Variants in BRINP1 observed in about 807,000 individuals in gnomAD.
BRINP1 encodes the protein BMP/retinoic acid inducible neural specific 1.
In BRINP1, 17 loss-of-function variants were observed where a neutral mutation model predicts 72.9. The observed-to-expected ratio is 0.23, with a 90% CI of 0.16 to 0.35. The LOEUF is 0.35. Among genes scored for constraint, BRINP1 ranks in the 10% least tolerant of loss-of-function variants. BRINP1 has a pLI of 1.00. For synonymous variants in BRINP1, 418 were observed against 378.5 expected (o/e 1.10, Z -1.21); for missense variants, 850 against 1,001.6 (o/e 0.85, Z 2.04).
At chr9:119,356,859 A>G (rs1459063082) in intron 1 of BRINP1, among the ~76,000 whole-genome samples, 1 of 152,194 alleles carries the variant, frequency 6.6e-6, no homozygotes, top group Non-Finnish European at 1.5e-5. Context: ...ATATTTCATA[A>G]AAGGGTATAC....
At chr9:119,169,685 GACAA>G (rs1829376790) in intron 7 of BRINP1, among the ~76,000 whole-genome samples, 1 of 152,216 alleles carries the variant, frequency 6.6e-6, no homozygotes, top group South Asian at 2.1e-4. Flanking sequence ...GCAGGGCACA[GACAA>G]ACAAAAAGAC....
chr9:119,317,649 C>T lies in BRINP1; in HGVS notation c.-50-4244G>A, dbSNP rs182005780. On this transcript the variant is annotated intron_variant, in intron 1 of 7. Coordinates refer to ENST00000265922, the MANE Select transcript of BRINP1 (RefSeq NM_014618.3). ...CTACCTTACGTAAAATACTATCAAA[C>T]GGCATCACATTCTACAAAATTATTT... Among the ~76,000 whole-genome samples, 351 of 152,264 alleles carry T rather than the reference C, an allele frequency of 2.3e-3. 6 individuals carry two copies. The highest frequency in any genetic ancestry group is 1.3e-3 in the Non-Finnish European group (91 of 68,018).
intron 2 of BRINP1, among the ~76,000 whole-genome samples, chr9:119,278,766 T>C (rs1830680160): frequency 6.6e-6 from 1 of 152,044 alleles, no homozygotes; most frequent in Non-Finnish European, 1.5e-5. Context: ...TGCGTGCCTG[T>C]AGTCTCAGCT....
intron 2 of BRINP1, among the ~76,000 whole-genome samples, chr9:119,252,556 G>C (rs1429790969): frequency 9.0e-6 from 1 of 111,064 alleles, no homozygotes; most frequent in Non-Finnish European, 2.0e-5. Context: ...AGTCATACGT[G>C]TGTGTGTGTG....
intron 7 of BRINP1, among the ~76,000 whole-genome samples, chr9:119,189,937 A>G (rs1829665231): frequency 6.6e-6 from 1 of 152,096 alleles, no homozygotes; most frequent in Non-Finnish European, 1.5e-5. Flanking sequence ...AACAAGTTTT[A>G]GTAAATTCAA....
intron 1 of BRINP1, among the ~76,000 whole-genome samples, chr9:119,317,647 AACGGCATC>A (rs1439281336): frequency 6.6e-6 from 1 of 152,198 alleles, no homozygotes; most frequent in Non-Finnish European, 1.5e-5. Context: ...AATACTATCA[AACGGCATC>A]ACATTCTACA....
At chr9:119,350,231 G>A (rs1205231585) in intron 1 of BRINP1, among the ~76,000 whole-genome samples, 2 of 152,152 alleles carry the variant, frequency 1.3e-5, no homozygotes, top group Non-Finnish European at 2.9e-5. Flanking sequence ...CTTAGTCTGA[G>A]ATGCTTTTTA....
At position 119,350,570 on chromosome 9, in the gene BRINP1, C is replaced by A. The variant is rs186361745; in HGVS notation, c.-51+18486G>T. 5.3e-5 allele frequency among the ~76,000 whole-genome samples: 8 copies of A among 152,046 alleles called. No individual in the cohort carries two copies. In the East Asian group the frequency reaches 1.5e-3, roughly 29 times the overall value. ...CATATATATTTATGACATGCACATT[C>A]ATATAATATAAAGATATATCTCTCC... On this transcript the variant is annotated intron_variant, in intron 1 of 7. Transcript: ENST00000265922.
At chr9:119,289,216 G>A (rs1830799046) in intron 2 of BRINP1, among the ~76,000 whole-genome samples, 1 of 152,216 alleles carries the variant, frequency 6.6e-6, no homozygotes, top group African/African-American at 2.4e-5. Flanking sequence ...CAGAGGCAGG[G>A]CAATGTGAAT....
intron 5 of BRINP1, among the ~76,000 whole-genome samples, chr9:119,222,045 GT>G (rs1830046280): frequency 6.6e-6 from 1 of 152,110 alleles, no homozygotes; most frequent in South Asian, 2.1e-4. Flanking sequence ...CACATGACAT[GT>G]TTTGGCCAAT....
At chr9:119,298,011 C>T (rs1564241910) in intron 2 of BRINP1, among the ~76,000 whole-genome samples, 2 of 152,186 alleles carry the variant, frequency 1.3e-5, no homozygotes, top group Non-Finnish European at 2.9e-5. Flanking sequence ...ACAAGTTATC[C>T]TTTCATCAGT....
At chr9:119,212,162 G>C (rs773527377) in intron 6 of BRINP1, among the ~76,000 whole-genome samples, 2 of 152,036 alleles carry the variant, frequency 1.3e-5, no homozygotes, top group Non-Finnish European at 2.9e-5. Context: ...AATGGGTGTC[G>C]TTATAAGACA....
intron 1 of BRINP1, among the ~76,000 whole-genome samples, chr9:119,357,311 T>C (rs1831578838): frequency 6.6e-6 from 1 of 152,110 alleles, no homozygotes. Flanking sequence ...GACAGAGAGA[T>C]TGCAACATCT....
At chr9:119,318,288 T>A (rs1314210691) in intron 1 of BRINP1, among the ~76,000 whole-genome samples, 1 of 152,156 alleles carries the variant, frequency 6.6e-6, no homozygotes, top group East Asian at 1.9e-4. Flanking sequence ...GACACCTCAT[T>A]TGTCTACTTT....
At chr9:119,185,199 ACTAT>A (rs1829603947) in intron 7 of BRINP1, among the ~76,000 whole-genome samples, 1 of 152,116 alleles carries the variant, frequency 6.6e-6, no homozygotes, top group African/African-American at 2.4e-5. Context: ...CAGTACCCAC[ACTAT>A]CTATACCCCT....
Position 119,243,402 on chromosome 9 carries a change from C to T in BRINP1, c.410-1186G>A, listed in dbSNP as rs547134561. On this transcript the variant is annotated intron_variant, in intron 3 of 7. Coordinates refer to ENST00000265922, the MANE Select transcript of BRINP1 (RefSeq NM_014618.3). ...ATGATCTCATTCTTTTTTCGGGCTG[C>T]ATAGTATTCCATGGTGTATATGTAC... Among the ~76,000 whole-genome samples, 16 of 152,250 alleles carry T rather than the reference C, an allele frequency of 1.1e-4. No homozygotes were observed. The South Asian group carries it at 3.1e-3, about 30-fold the overall frequency.
At chr9:119,335,111 G>A (rs1181294515) in intron 1 of BRINP1, among the ~76,000 whole-genome samples, 1 of 152,186 alleles carries the variant, frequency 6.6e-6, no homozygotes, top group East Asian at 1.9e-4. Flanking sequence ...GAGGAGGAGA[G>A]AAGGCACCAG....
intron 7 of BRINP1, among the ~76,000 whole-genome samples, chr9:119,168,877 GTTGATGTGAGTA>G (rs1258207222): frequency 1.3e-5 from 2 of 152,170 alleles, no homozygotes; most frequent in Non-Finnish European, 2.9e-5. Context: ...CTTTTACACT[GTTGATGTGAGTA>G]TAAGTCAGTT....
chr9:119,171,251 G>C (rs1829406410), intron 7 of BRINP1, among the ~76,000 whole-genome samples: 1 of 147,218 alleles, frequency 6.8e-6, no homozygotes, highest in South Asian at 2.2e-4. Flanking sequence ...CATGTGCAGA[G>C]ACACACATAG....
Sources: gnomAD v4.1 joint callset for allele counts (sites outside exome capture counted in the v4.1 genomes callset) on GRCh38, gnomAD v4.1.1 for gene constraint, MANE v1.5 for transcripts, NCBI Gene and HGNC (gene_info 2026-07-23, HGNC 2026-07-21) for gene names.